CAMTA1: variants seen among roughly 807,000 people sequenced by gnomAD.
The protein encoded by CAMTA1 is calmodulin-binding transcription activator 1.
CAMTA1 carries 27 observed loss-of-function variants against 170.9 expected under a neutral mutation model. The ratio of observed to expected loss-of-function variants is 0.16; its 90% CI spans 0.12 to 0.22. The LOEUF is 0.22. Ranked by LOEUF, CAMTA1 falls within the 10% of genes least tolerant of loss-of-function variation. The pLI is 1.00. For synonymous variants in CAMTA1, 833 were observed against 891.5 expected (o/e 0.93, Z 1.17); for missense variants, 1,619 against 2,217.2 (o/e 0.73, Z 5.42).
chr1:7,105,523 G>T (rs1643489947), intron 4 of CAMTA1, among the ~76,000 whole-genome samples: 1 of 152,242 alleles, frequency 6.6e-6, no homozygotes, highest in African/African-American at 2.4e-5. Flanking sequence ...GTTCCACTGA[G>T]CACTGGGCTG....
At chr1:7,098,300 C>T (rs1179633630) in intron 4 of CAMTA1, among the ~76,000 whole-genome samples, 1 of 152,250 alleles carries the variant, frequency 6.6e-6, no homozygotes, top group African/African-American at 2.4e-5. Context: ...GCATTATGCA[C>T]TGAACCGGGA....
At chr1:7,320,228 T>C (rs575544890) in intron 5 of CAMTA1, among the ~76,000 whole-genome samples, 1 of 152,358 alleles carries the variant, frequency 6.6e-6, no homozygotes, top group South Asian at 2.1e-4. Context: ...TTAATTACGA[T>C]ACTTGCTGTA....
intron 6 of CAMTA1, among the ~76,000 whole-genome samples, chr1:7,515,780 G>A (rs1489744872): frequency 6.6e-6 from 1 of 152,184 alleles, no homozygotes; most frequent in Non-Finnish European, 1.5e-5. Context: ...AGGATCTGCT[G>A]GTCTGCTAAG....
intron 4 of CAMTA1, among the ~76,000 whole-genome samples, chr1:7,185,942 T>A (rs1653166721): frequency 6.6e-6 from 1 of 152,240 alleles, no homozygotes; most frequent in Non-Finnish European, 1.5e-5. Flanking sequence ...GAGTTTGTGT[T>A]CTTTTCTTTA....
At position 7,673,762 on chromosome 1, in the gene CAMTA1, T is replaced by C. The variant is rs1411144897; in HGVS notation, c.2779+2725T>C. 1.3e-5 allele frequency among the ~76,000 whole-genome samples: 2 copies of C among 151,838 alleles called. No individual in the cohort carries two copies. The highest frequency in any genetic ancestry group is 1.9e-4 in the East Asian group (1 of 5,182). On this transcript the variant is annotated intron_variant, in intron 10 of 22. Coordinates refer to ENST00000303635, the MANE Select transcript of CAMTA1 (RefSeq NM_015215.4). This position sits in a 1 kb window ranked among gnomAD's most constrained non-coding sequence, Gnocchi z 4.6. ...GCTTTGAGGCCCAAATTGGAACACA[T>C]TGCTCTGTAAAACAGCACTGGATGT...
intron 6 of CAMTA1, among the ~76,000 whole-genome samples, chr1:7,488,591 C>T (rs1289349046): frequency 2.0e-5 from 3 of 152,152 alleles, no homozygotes; most frequent in African/African-American, 7.2e-5. Context: ...CATGTGTACA[C>T]ATACATGCAT....
In CAMTA1 at chr1:7,582,333, A is replaced by G. The variant is rs142863157; in HGVS notation, c.511-58067A>G. Among the ~76,000 whole-genome samples the G allele has an allele frequency of 5.2e-3, 790 of 150,560 alleles. 6 individuals are homozygous for G. Among genetic ancestry groups the G allele is most frequent in the African/African-American group, 0.018 (745 of 41,016 alleles). On this transcript the variant is annotated intron_variant, in intron 6 of 22. Transcript: ENST00000303635. Reference sequence around the variant, plus strand: ...ATTTCCTAAATCCTCTCCTTCCCCCACTCCTGAGGGCCTCAGTGCCCTGAT... The same window carrying G: ...ATTTCCTAAATCCTCTCCTTCCCCCGCTCCTGAGGGCCTCAGTGCCCTGAT...
At chr1:7,294,271 G>T (rs779822115) in intron 5 of CAMTA1, among the ~76,000 whole-genome samples, 2 of 152,192 alleles carry the variant, frequency 1.3e-5, no homozygotes, top group Non-Finnish European at 2.9e-5. Context: ...TTTAACACTG[G>T]CTGAGTGTCA....
intron 3 of CAMTA1, among the ~76,000 whole-genome samples, chr1:6,964,103 T>TG (rs1269467314): frequency 6.6e-6 from 1 of 151,436 alleles, no homozygotes; most frequent in Non-Finnish European, 1.5e-5. Flanking sequence ...GTGCTTTGGG[T>TG]GGGGGCACAG....
chr1:7,583,903 G>A (rs1267556378), intron 6 of CAMTA1, among the ~76,000 whole-genome samples: 1 of 152,140 alleles, frequency 6.6e-6, no homozygotes, highest in East Asian at 1.9e-4. Context: ...CCACGTGAGA[G>A]TGGCATCAGA....
intron 6 of CAMTA1, among the ~76,000 whole-genome samples, chr1:7,566,111 GCACCTTGAAAT>G (rs1314772077): frequency 6.6e-6 from 1 of 152,206 alleles, no homozygotes; most frequent in East Asian, 1.9e-4. Flanking sequence ...TTCAGCCATA[GCACCTTGAAAT>G]CACTTTGGAA....
intron 5 of CAMTA1, among the ~76,000 whole-genome samples, chr1:7,385,805 CA>C (rs1305366210): frequency 1.3e-3 from 204 of 152,340 alleles, no homozygotes; most frequent in East Asian, 7.0e-3. Flanking sequence ...CACTCTCTTC[CA>C]CATTTGGCCT....
chr1:7,037,087 A>G (rs993859789), intron 3 of CAMTA1, among the ~76,000 whole-genome samples: 7 of 152,250 alleles, frequency 4.6e-5, no homozygotes, highest in African/African-American at 1.7e-4. Flanking sequence ...TCCTACGGAC[A>G]CATCAAGCAT....
At chr1:7,684,473 G>A (rs971231096) in intron 11 of CAMTA1, among the ~76,000 whole-genome samples, 7 of 152,274 alleles carry the variant, frequency 4.6e-5, no homozygotes, top group Non-Finnish European at 8.8e-5. Context: ...CCAGAGAGCC[G>A]TGCCCCCACC....
intron 3 of CAMTA1, among the ~76,000 whole-genome samples, chr1:7,043,736 G>A (rs1704877805): frequency 6.6e-6 from 1 of 152,150 alleles, no homozygotes; most frequent in African/African-American, 2.4e-5. Context: ...GTCTTCGGTG[G>A]GTGGCTCACG....
intron 7 of CAMTA1, among the ~76,000 whole-genome samples, chr1:7,643,427 G>A (rs2095781225): frequency 6.6e-6 from 1 of 152,254 alleles, no homozygotes; most frequent in African/African-American, 2.4e-5. Context: ...TACAGTCAGA[G>A]GCTGCTAGCC....
chr1:6,792,130 G>T (rs889411474), intron 1 of CAMTA1, among the ~76,000 whole-genome samples: 3 of 151,592 alleles, frequency 2.0e-5, no homozygotes, highest in African/African-American at 7.3e-5. Context: ...ATTTTTTTTC[G>T]TATTTTTAGT....
intron 3 of CAMTA1, among the ~76,000 whole-genome samples, chr1:6,962,773 T>G (rs1374887762): frequency 6.9e-6 from 1 of 144,440 alleles, no homozygotes; most frequent in African/African-American, 2.6e-5. Flanking sequence ...ACCGAGCTCC[T>G]CTGGACCCAC....
chr1:7,582,867 G>A (rs901654718), intron 6 of CAMTA1, among the ~76,000 whole-genome samples: 1 of 151,824 alleles, frequency 6.6e-6, no homozygotes, highest in Admixed American at 6.6e-5. Context: ...TGGGCCCTGG[G>A]CACAATAGCA....
Sources: gnomAD v4.1 joint callset for allele counts (sites outside exome capture counted in the v4.1 genomes callset) on GRCh38, gnomAD v4.1.1 for gene constraint, Gnocchi (gnomAD v3.1) non-coding constraint, MANE v1.5 for transcripts, NCBI Gene and HGNC (gene_info 2026-07-23, HGNC 2026-07-21) for gene names.